Variants in FBXO30 observed in about 807,000 individuals in gnomAD.
FBXO30 encodes F-box only protein 30.
FBXO30 carries 21 observed loss-of-function variants against 58.1 expected under a neutral mutation model. That is an observed-to-expected ratio of 0.36 (90% CI 0.26 to 0.52). The LOEUF (loss-of-function observed/expected upper bound fraction) is 0.52, where lower values mean the gene tolerates loss of function less well. Among genes scored for constraint, FBXO30 ranks in the 20% least tolerant of loss-of-function variants. The probability of loss-of-function intolerance (pLI) is 0.93; values close to 1 mark genes in which losing one functional copy is unlikely to be tolerated. For missense variants in FBXO30, 744 were observed against 897.3 expected (o/e 0.83, Z 2.18); for synonymous variants, 309 against 312.4 (o/e 0.99, Z 0.11).
Position 145,805,538 on chromosome 6 carries a change from C to G in FBXO30, c.868G>C (p.Glu290Gln). The stretch of plus-strand genomic sequence containing the variant: ...TCTATGACCTGGGTACATATATTTT[C>G]CAAAGGAAAGCCATTACAAAGAGCA... ...TSALCNGFPL[E>Q]NICTQVIDQN... Residue 290 changes from glutamate to glutamine, a missense_variant, in exon 2 of 3, where the codon GAA becomes CAA. By Grantham distance (29) the Glu-to-Gln change is conservative. Transcript: ENST00000237281. 1 of 1,606,344 alleles carries G rather than the reference C, an allele frequency of 6.2e-7. No homozygotes were observed. Among genetic ancestry groups the G allele is most frequent in the Non-Finnish European group, 8.5e-7 (1 of 1,177,006 alleles).
Position 145,806,110 on chromosome 6 carries a change from A to T in FBXO30, c.296T>A (p.Val99Asp). The T allele has an allele frequency of 6.2e-7, 1 of 1,614,042 alleles. No individual in the cohort carries two copies. The highest frequency in any genetic ancestry group is 8.5e-7 in the Non-Finnish European group (1 of 1,179,988). ...ATATGATTTCCGGTCTGCATAACTA[A>T]CTGGCCATCGATTCCATTCCATAGT... is the stretch of plus-strand genomic sequence containing the variant. ...CCTMEWNRWPVSYADRKSYEN... is the reference protein window; with the variant it reads ...CCTMEWNRWPDSYADRKSYEN... Residue 99 changes from valine (V) to aspartate (D), a missense_variant, in exon 2 of 3, where the codon GTT (valine) becomes GAT (aspartate). By Grantham distance (152) the Val-to-Asp change is radical. Around this residue, in one of 3 missense-constraint regions of FBXO30, gnomAD observed 135 missense variants for 201.6 expected, o/e 0.67. Transcript: ENST00000237281.
At chr6:145,801,780 T>C (rs930791896) in intron 2 of FBXO30, among the ~76,000 whole-genome samples, 3 of 152,066 alleles carry the variant, frequency 2.0e-5, no homozygotes, top group Non-Finnish European at 2.9e-5. Flanking sequence ...TAGCCTCCCT[T>C]ACCATTCCCC....
chr6:145,796,276 G>T lies in FBXO30; in HGVS notation c.*3830C>A, dbSNP rs1240051224. 2 of 151,910 alleles carry T rather than the reference G, an allele frequency of 1.3e-5. No individual in the cohort carries two copies. The highest frequency in any genetic ancestry group is 4.8e-5 in the African/African-American group (2 of 41,378). 9.4% of individuals were successfully genotyped at this position (151,910 alleles called of 1,614,324 possible). On this transcript the variant is annotated 3_prime_UTR_variant, in exon 3 of 3. Coordinates refer to ENST00000237281, the MANE Select transcript of FBXO30 (RefSeq NM_032145.5). ...ACCATCTTTCCTTTTCCCTTATTTA[G>T]AAAGGACTTCATTAGAGTTGATCTT...
Position 145,799,958 on chromosome 6 carries a change from T to C in FBXO30, c.*148A>G. 1 of 640,296 alleles carries C rather than the reference T, an allele frequency of 1.6e-6. No homozygotes were observed. Among genetic ancestry groups the C allele is most frequent in the East Asian group, 3.0e-5 (1 of 33,254 alleles). 39.7% of individuals were successfully genotyped at this position (640,296 alleles called of 1,614,324 possible). On this transcript the variant is annotated 3_prime_UTR_variant, in exon 3 of 3. Transcript: ENST00000237281. Reference sequence around the variant, plus strand: ...AACTTTTTCCAACTAAACAGTACTTTATAAAAATAGATGTCACTTCAAAAC... The same window carrying C: ...AACTTTTTCCAACTAAACAGTACTTCATAAAAATAGATGTCACTTCAAAAC...
At chr6:145,803,117 G>A (rs929788981) in intron 2 of FBXO30, among the ~76,000 whole-genome samples, 15 of 152,026 alleles carry the variant, frequency 9.9e-5, no homozygotes, top group East Asian at 3.9e-4. Context: ...AAATGATGGC[G>A]AGTTAAATTT....
intron 1 of FBXO30, chr6:145,811,798 CAATT>C (rs1160666667): frequency 6.6e-6 from 1 of 152,126 alleles, no homozygotes; most frequent in Non-Finnish European, 1.5e-5. Context: ...CAGATTTGTT[CAATT>C]AATTAACCAT....
intron 1 of FBXO30, among the ~76,000 whole-genome samples, chr6:145,808,676 C>G (rs1778250878): frequency 6.6e-6 from 1 of 152,000 alleles, no homozygotes. Flanking sequence ...CAATGGATTA[C>G]TTATGATATA....
chr6:145,802,196 C>T (rs928873981), intron 2 of FBXO30, among the ~76,000 whole-genome samples: 1 of 152,076 alleles, frequency 6.6e-6, no homozygotes, highest in Non-Finnish European at 1.5e-5. Context: ...CAAAGCAGTG[C>T]AACAACTTGT....
chr6:145,795,922 G>C lies in FBXO30; in HGVS notation c.*4184C>G, dbSNP rs1777859537. ...CCCTCATTTCGCAAAGATTTTCAGA[G>C]CAACATATCACACTTGGTTAGTTAG... is the stretch of plus-strand genomic sequence containing the variant. On this transcript the variant is annotated 3_prime_UTR_variant, in exon 3 of 3. Transcript: ENST00000237281. The C allele has an allele frequency of 2.0e-5, 3 of 151,866 alleles. No homozygotes were observed. In the South Asian group the frequency reaches 6.2e-4, roughly 31 times the overall value. The allele number at this position is 151,866 out of a possible 1,614,324, so 9.4% of individuals were successfully genotyped here.
At position 145,812,800 on chromosome 6, in the gene FBXO30, A is replaced by G. The variant is rs78898393; in HGVS notation, c.-17+1803T>C. On this transcript the variant is annotated intron_variant, in intron 1 of 2. Transcript: ENST00000237281. ...ATCCGCTTGTCTGTATCTAACATCTAGCTACCTAAAATATAGAAGCAACTT... is the reference window on the plus strand; with the variant it reads ...ATCCGCTTGTCTGTATCTAACATCTGGCTACCTAAAATATAGAAGCAACTT... Among the ~76,000 whole-genome samples the G allele has an allele frequency of 5.1e-3, 772 of 152,298 alleles. 4 individuals are homozygous for G. Among genetic ancestry groups the G allele is most frequent in the African/African-American group, 0.018 (752 of 41,564 alleles).
At chr6:145,800,937 A>G (rs949940365) in intron 2 of FBXO30, among the ~76,000 whole-genome samples, 1 of 152,138 alleles carries the variant, frequency 6.6e-6, no homozygotes, top group East Asian at 1.9e-4. Flanking sequence ...ATTTTAGTCC[A>G]TATCATTGTA....
At position 145,800,038 on chromosome 6, in the gene FBXO30, A is replaced by G; in HGVS notation, c.*68T>C. The G allele has an allele frequency of 8.6e-7, 1 of 1,164,434 alleles. No individual in the cohort carries two copies. The highest frequency in any genetic ancestry group is 1.3e-6 in the Non-Finnish European group (1 of 797,496). The allele number at this position is 1,164,434 out of a possible 1,614,324, so 72.1% of individuals were successfully genotyped here. On this transcript the variant is annotated 3_prime_UTR_variant, in exon 3 of 3. Coordinates refer to ENST00000237281, the MANE Select transcript of FBXO30 (RefSeq NM_032145.5). ...TAGTTGTAATATTTAATACATTAAT[A>G]AAGTTTCACATATTACAAAGAAATT...
At chr6:145,806,946 A>G (rs1194270703) in intron 1 of FBXO30, among the ~76,000 whole-genome samples, 1 of 152,204 alleles carries the variant, frequency 6.6e-6, no homozygotes, top group African/African-American at 2.4e-5. Flanking sequence ...GATTTCATCT[A>G]TTGATCTCTC....
rs1777828369 is a variant in FBXO30 at position 145,794,310 on chromosome 6, A to AGAAAAGGAAGCTAAATG, written c.*5779_*5795dup. 1 of 151,986 alleles carries AGAAAAGGAAGCTAAATG rather than the reference A, an allele frequency of 6.6e-6. No individual in the cohort carries two copies. 9.4% of individuals were successfully genotyped at this position (151,986 alleles called of 1,614,324 possible). ...GGTAACAACATTTATGTAAATCATG[A>AGAAAAGGAAGCTAAATG]GAAAAGGAAGCTAAATGACATCTTA... On this transcript the variant is annotated 3_prime_UTR_variant, in exon 3 of 3. Coordinates refer to ENST00000237281, the MANE Select transcript of FBXO30 (RefSeq NM_032145.5).
In FBXO30 at chr6:145,806,202, T is replaced by A; in HGVS notation, c.204A>T (p.Pro68=). The A allele has an allele frequency of 6.2e-7, 1 of 1,614,118 alleles. No homozygotes were observed. The highest frequency in any genetic ancestry group is 8.5e-7 in the Non-Finnish European group (1 of 1,179,998). Residue 68 remains proline (P), a synonymous_variant, in exon 2 of 3, where the codon CCA becomes CCT. Transcript: ENST00000237281. ...VPCLNSDFGC[P]FTMARNKVAE... Reference sequence around the variant, plus strand: ...CAACTTTATTTCGGGCCATGGTAAATGGACATCCAAAGTCACTATTTAAGC... The same window carrying A: ...CAACTTTATTTCGGGCCATGGTAAAAGGACATCCAAAGTCACTATTTAAGC...
Position 145,804,445 on chromosome 6 carries a change from C to G in FBXO30, c.1961G>C (p.Arg654Pro). ...RDVCGSLLQSRGMVILQWGKR... is the reference protein window; with the variant it reads ...RDVCGSLLQSPGMVILQWGKR... The stretch of plus-strand genomic sequence containing the variant: ...CCCCCACTGCAGTATGACCATGCCA[C>G]GAGACTGAAGCAGGCTGCCACACAC... Residue 654 changes from arginine to proline, a missense_variant, in exon 2 of 3, where the codon CGT (arginine) becomes CCT (proline). This residue lies in a region of FBXO30 where 334 missense variants were observed against 433.7 expected (regional missense o/e 0.77). Coordinates refer to ENST00000237281, the MANE Select transcript of FBXO30 (RefSeq NM_032145.5). 2 of 1,613,666 alleles carry G rather than the reference C, an allele frequency of 1.2e-6. No homozygotes were observed. The highest frequency in any genetic ancestry group is 1.7e-6 in the Non-Finnish European group (2 of 1,179,764).
rs925489217 is a variant in FBXO30, at chr6:145,799,478, G to A, written c.*628C>T. 6.6e-6 allele frequency: 1 copy of A among 152,252 alleles called. No homozygotes were observed. Among genetic ancestry groups the A allele is most frequent in the Non-Finnish European group, 1.5e-5 (1 of 67,978 alleles). The allele number at this position is 152,252 out of a possible 1,614,324, so 9.4% of individuals were successfully genotyped here. A position where few individuals can be genotyped will look rare whatever the true frequency, so the allele number is the denominator to read the frequency against. On this transcript the variant is annotated 3_prime_UTR_variant, in exon 3 of 3. Coordinates refer to ENST00000237281, the MANE Select transcript of FBXO30 (RefSeq NM_032145.5). ...TCTAACAAAAAAGAAAGCTGCACAT[G>A]GTCACTCTGTGTGTTGAGTTGTAAG...
chr6:145,800,520 C>T (rs1388217383), intron 2 of FBXO30, among the ~76,000 whole-genome samples: 1 of 152,028 alleles, frequency 6.6e-6, no homozygotes, highest in Non-Finnish European at 1.5e-5. Context: ...ATTATGACTT[C>T]AATAAATCTA....
Position 145,799,743 on chromosome 6 carries a change from A to G in FBXO30, c.*363T>C, listed in dbSNP as rs1777940285. The G allele has an allele frequency of 6.4e-6, 1 of 156,080 alleles. No individual in the cohort carries two copies. Among genetic ancestry groups the G allele is most frequent in the East Asian group, 1.9e-4 (1 of 5,284 alleles). 9.7% of individuals were successfully genotyped at this position (156,080 alleles called of 1,614,324 possible). On this transcript the variant is annotated 3_prime_UTR_variant, in exon 3 of 3. Coordinates refer to ENST00000237281, the MANE Select transcript of FBXO30 (RefSeq NM_032145.5). ...ATCTCAATCAAAATTTTGCTTTTTG[A>G]TTGCATGGGTCGCAACCCACAGAAA...
Sources: allele counts gnomAD v4.1 joint callset (sites outside exome capture counted in the v4.1 genomes callset), GRCh38; gene constraint gnomAD v4.1.1; regional missense constraint gnomAD v4.1.1; transcripts MANE v1.5; gene names NCBI Gene and HGNC (gene_info 2026-07-23, HGNC 2026-07-21).